The following PITPNM2 variants were observed in gnomAD, a reference collection of about 807,000 sequenced individuals.
PITPNM2 encodes the protein phosphatidylinositol transfer protein membrane associated 2.
In PITPNM2, 35 loss-of-function variants were observed where a neutral mutation model predicts 132.2. The observed-to-expected ratio is 0.26, with a 90% CI of 0.20 to 0.35. The LOEUF is 0.35. PITPNM2 is among the 10% of genes least tolerant of loss of function. The probability of loss-of-function intolerance (pLI) is 1.00; values close to 1 mark genes in which losing one functional copy is unlikely to be tolerated. For missense variants in PITPNM2, 1,332 were observed against 1,912.0 expected, an observed-to-expected ratio of 0.70 and a Z score of 5.66; for synonymous variants, 738 against 799.2, an observed-to-expected ratio of 0.92 and a Z score of 1.29.
chr12:122,986,636 C>T lies in PITPNM2; in HGVS notation c.3597+10G>A, dbSNP rs201022515. The T allele has an allele frequency of 1.3e-4, 214 of 1,610,780 alleles. No homozygotes were observed. Among genetic ancestry groups the T allele is most frequent in the Non-Finnish European group, 1.6e-4 (194 of 1,178,200 alleles). On this transcript the variant is annotated intron_variant, in intron 24 of 25. Coordinates refer to ENST00000320201, the MANE Select transcript of PITPNM2 (RefSeq NM_020845.3). ...CCACCCCTGCCCTGCCCCATCCTCC[C>T]GGGCCCCACCTCGGAGATGAGCAGC...
intron 1 of PITPNM2, among the ~76,000 whole-genome samples, chr12:123,114,781 A>C (rs552460830): frequency 6.6e-6 from 1 of 152,330 alleles, no homozygotes; most frequent in South Asian, 2.1e-4. Flanking sequence ...TGAGCTAAAG[A>C]AAGCAAGTGC....
chr12:123,052,801 T>C (rs1258244395), intron 2 of PITPNM2, among the ~76,000 whole-genome samples: 1 of 151,464 alleles, frequency 6.6e-6, no homozygotes, highest in Non-Finnish European at 1.5e-5. Context: ...TTTTTTTTTT[T>C]AAGTGAAACC....
At chr12:123,133,807 CACACACAG>C (rs1463535167) in intron 1 of PITPNM2, among the ~76,000 whole-genome samples, 61 of 99,172 alleles carry the variant, frequency 6.2e-4, no homozygotes, top group Non-Finnish European at 7.4e-4. Flanking sequence ...CACACACACA[CACACACAG>C]ACACACACAC....
In PITPNM2 at chr12:122,997,556, G is replaced by A. The variant is rs143163958; in HGVS notation, c.1241C>T (p.Pro414Leu). 62 of 1,611,990 alleles carry A rather than the reference G, an allele frequency of 3.8e-5. No homozygotes were observed. Among genetic ancestry groups the A allele is most frequent in the Non-Finnish European group, 4.6e-5 (54 of 1,179,030 alleles). Residue 414 changes from proline (P) to leucine (L), a missense_variant, in exon 11 of 26, where the codon CCG (proline) becomes CTG (leucine). Coordinates refer to ENST00000320201, the MANE Select transcript of PITPNM2 (RefSeq NM_020845.3). ...GATCTTGGAGGGCGGTGCAGCCAGC[G>A]GCTGGCTAACCTCGTCCTGCATGGG... ...LNIIEDEVSQ[P>L]LAAPPSKIHV...
rs1294649606 is a variant in PITPNM2 at position 123,009,745 on chromosome 12, A to C, written c.643+105T>G. ...CCTTCCCAGAACAAAACAGAAACGCAGACTCCCAGGCAGACATGCAAAGAG... is the reference window on the plus strand; with the variant it reads ...CCTTCCCAGAACAAAACAGAAACGCCGACTCCCAGGCAGACATGCAAAGAG... On this transcript the variant is annotated intron_variant, in intron 6 of 25. Transcript: ENST00000320201. The surrounding 1 kb of genome is among the most constrained non-coding windows in gnomAD (Gnocchi z 4.8). 9.0e-7 allele frequency: 1 copy of C among 1,110,988 alleles called. No individual in the cohort carries two copies. The allele number at this position is 1,110,988 out of a possible 1,614,324, so 68.8% of individuals were successfully genotyped here. A position where few individuals can be genotyped will look rare whatever the true frequency, so the allele number is the denominator to read the frequency against.
rs546554070 is a variant in PITPNM2 at position 123,049,906 on chromosome 12, C to T, written c.-95-15221G>A. On this transcript the variant is annotated intron_variant, in intron 2 of 25. Transcript: ENST00000320201. The stretch of plus-strand genomic sequence containing the variant: ...AAGAAGGGTAATTGGCAAATGTTCA[C>T]AAAAAAACCCTCTGCAGGCAGATAA... 2.8e-4 allele frequency among the ~76,000 whole-genome samples: 43 copies of T among 152,316 alleles called. 1 individual carries two copies. The South Asian group carries it at 8.3e-3, about 29-fold the overall frequency.
In PITPNM2 at chr12:122,994,672, G is replaced by T; in HGVS notation, c.2233+129C>A. ...CAGAGGATAGCAAGGGGCCCTTGGT[G>T]GGGAAGACAGGAAGGAGGGCAGAAA... On this transcript the variant is annotated intron_variant, in intron 15 of 25. Transcript: ENST00000320201. This position sits in a 1 kb window ranked among gnomAD's most constrained non-coding sequence, Gnocchi z 5.4. 9.2e-7 allele frequency: 1 copy of T among 1,084,826 alleles called. No homozygotes were observed. The highest frequency in any genetic ancestry group is 1.3e-6 in the Non-Finnish European group (1 of 785,134). 67.2% of individuals were successfully genotyped at this position (1,084,826 alleles called of 1,614,324 possible). A position where few individuals can be genotyped will look rare whatever the true frequency, so the allele number is the denominator to read the frequency against.
chr12:123,003,128 C>T (rs1305063400), intron 8 of PITPNM2, among the ~76,000 whole-genome samples: 1 of 152,156 alleles, frequency 6.6e-6, no homozygotes, highest in Admixed American at 6.5e-5. Flanking sequence ...TATCCTCTAA[C>T]AGGCCTCTCC....
chr12:123,070,262 C>G (rs972654194), intron 2 of PITPNM2, among the ~76,000 whole-genome samples: 1 of 152,212 alleles, frequency 6.6e-6, no homozygotes. Flanking sequence ...AGACTGCAAA[C>G]AGAAGATCAC....
At position 122,993,878 on chromosome 12, in the gene PITPNM2, TTTC is replaced by T; in HGVS notation, c.2233+920_2233+922del. Among the ~76,000 whole-genome samples, 1 of 152,290 alleles carries T rather than the reference TTTC, an allele frequency of 6.6e-6. No individual in the cohort carries two copies. Among genetic ancestry groups the T allele is most frequent in the East Asian group, 1.9e-4 (1 of 5,172 alleles). On this transcript the variant is annotated intron_variant, in intron 15 of 25. Coordinates refer to ENST00000320201, the MANE Select transcript of PITPNM2 (RefSeq NM_020845.3). The surrounding 1 kb of genome is among the most constrained non-coding windows in gnomAD (Gnocchi z 5.2). Reference sequence around the variant, plus strand: ...GAGTCCAGAGGTCTGCATTTTTTTTTTTCTTTTTTTTTGAGACTGAGTTTCGCT... The same window carrying T: ...GAGTCCAGAGGTCTGCATTTTTTTTTTTTTTTTTTGAGACTGAGTTTCGCT...
At position 123,013,571 on chromosome 12, in the gene PITPNM2, G is replaced by A. The variant is rs550651116; in HGVS notation, c.293+257C>T. Among the ~76,000 whole-genome samples, 5 of 152,306 alleles carry A rather than the reference G, an allele frequency of 3.3e-5. No homozygotes were observed. In the South Asian group the frequency reaches 6.2e-4, roughly 19 times the overall value. On this transcript the variant is annotated intron_variant, in intron 4 of 25. Coordinates refer to ENST00000320201, the MANE Select transcript of PITPNM2 (RefSeq NM_020845.3). The stretch of plus-strand genomic sequence containing the variant: ...GGCAAAGGAGTCTCCAACAGCCCTC[G>A]CTTGACTCACGCCTTCATGGCCTCC...
intron 5 of PITPNM2, 92 bp downstream of exon 5, chr12:123,012,521 T>A: frequency 6.7e-7 from 1 of 1,501,164 alleles, no homozygotes; most frequent in Non-Finnish European, 9.1e-7. Flanking sequence ...GTCTGGAGTC[T>A]ACCAGGTGTG....
At chr12:123,132,317 G>A (rs1301251124) in intron 1 of PITPNM2, among the ~76,000 whole-genome samples, 1 of 152,104 alleles carries the variant, frequency 6.6e-6, no homozygotes, top group Non-Finnish European at 1.5e-5. Context: ...GAGCATGGCG[G>A]GTACACTGCT....
At chr12:122,998,736 G>T (rs2038532785) in intron 10 of PITPNM2, among the ~76,000 whole-genome samples, 1 of 151,866 alleles carries the variant, frequency 6.6e-6, no homozygotes, top group Non-Finnish European at 1.5e-5. Context: ...AACTGGCCAG[G>T]GGGTAGGGGT....
chr12:123,018,110 C>T (rs988418158), intron 3 of PITPNM2, among the ~76,000 whole-genome samples: 16 of 145,838 alleles, frequency 1.1e-4, no homozygotes, highest in Non-Finnish European at 2.0e-4. Flanking sequence ...TGCTTTGTCA[C>T]CCAGGCTGGA....
At chr12:123,079,350 C>CTTTTTTTTTTTTTTTTTTT (rs139205213) in intron 2 of PITPNM2, among the ~76,000 whole-genome samples, 101 of 53,828 alleles carry the variant, frequency 1.9e-3, no homozygotes, top group Non-Finnish European at 2.4e-3. Flanking sequence ...TTTTTCTTTT[C>CTTTTTTTTTTTTTTTTTTT]TTTTTTTTTT....
chr12:123,025,579 T>G (rs1265422093), intron 3 of PITPNM2, among the ~76,000 whole-genome samples: 1 of 152,010 alleles, frequency 6.6e-6, no homozygotes, highest in East Asian at 1.9e-4. Context: ...ATTACAGGCA[T>G]GAGCCACCAC....
Position 122,986,421 on chromosome 12 carries a change from A to G in PITPNM2, c.3726+15T>C, listed in dbSNP as rs1240527891. On this transcript the variant is annotated intron_variant, in intron 25 of 25. Coordinates refer to ENST00000320201, the MANE Select transcript of PITPNM2 (RefSeq NM_020845.3). ...GCTGCCCGCCTGCACCCGCCCCCAC[A>G]ATGCGCCCACTCACCTGGCACTGCT... 6.4e-7 allele frequency: 1 copy of G among 1,566,766 alleles called. No homozygotes were observed. Among genetic ancestry groups the G allele is most frequent in the African/African-American group, 1.4e-5 (1 of 73,986 alleles).
At position 123,005,645 on chromosome 12, in the gene PITPNM2, G is replaced by A; in HGVS notation, c.644-97C>T. The A allele has an allele frequency of 8.0e-7, 1 of 1,251,314 alleles. No homozygotes were observed. The highest frequency in any genetic ancestry group is 1.4e-5 in the South Asian group (1 of 71,084). The allele number at this position is 1,251,314 out of a possible 1,614,324, so 77.5% of individuals were successfully genotyped here. On this transcript the variant is annotated intron_variant, in intron 6 of 25. Transcript: ENST00000320201. The surrounding 1 kb of genome is among the most constrained non-coding windows in gnomAD (Gnocchi z 6.2). ...TGGGGCCCAGGCAGGGGCTTTGGGA[G>A]GCTGTACCCATGTTGCAGGTCAAAC... is the stretch of plus-strand genomic sequence containing the variant.
Sources: allele counts gnomAD v4.1 joint callset (sites outside exome capture counted in the v4.1 genomes callset), GRCh38; gene constraint gnomAD v4.1.1; non-coding constraint Gnocchi (gnomAD v3.1); transcripts MANE v1.5; gene names NCBI Gene and HGNC (gene_info 2026-07-23, HGNC 2026-07-21).